Variants in PREX1 observed in about 807,000 individuals in gnomAD.
PREX1 encodes the protein phosphatidylinositol 3,4,5-trisphosphate-dependent Rac exchanger 1 protein.
Under a neutral mutation model 198.3 loss-of-function variants are expected in PREX1, and 41 were observed. The observed-to-expected ratio is 0.21, with a 90% CI of 0.16 to 0.27. PREX1 has a LOEUF of 0.27. Among genes scored for constraint, PREX1 ranks in the 10% least tolerant of loss-of-function variants. The pLI, the probability that PREX1 is intolerant of heterozygous loss-of-function variation, is 1.00. For missense variants in PREX1, 1,620 were observed against 2,200.7 expected (o/e 0.74, Z 5.28); for synonymous variants, 843 against 887.2 (o/e 0.95, Z 0.89).
chr20:48,634,879 G>A (rs751070079), intron 32 of PREX1, 104 bp from the exon 33 acceptor site: 8 of 956,308 alleles, frequency 8.4e-6, no homozygotes, highest in Non-Finnish European at 1.3e-5. Context: ...CACACTGTGG[G>A]CCCCCTGGGT....
chr20:48,773,900 C>CA (rs2090248949), intron 1 of PREX1, among the ~76,000 whole-genome samples: 2 of 152,146 alleles, frequency 1.3e-5, no homozygotes, highest in African/African-American at 2.4e-5. Flanking sequence ...GAGTCTCCTG[C>CA]AATCGTCCAG....
chr20:48,822,247 T>C (rs769246573), intron 1 of PREX1, among the ~76,000 whole-genome samples: 3 of 152,240 alleles, frequency 2.0e-5, no homozygotes, highest in Non-Finnish European at 4.4e-5. Flanking sequence ...AAGGTGGACT[T>C]TTTGACTTAA....
intron 1 of PREX1, among the ~76,000 whole-genome samples, chr20:48,773,808 G>C (rs781091847): frequency 1.3e-5 from 2 of 152,304 alleles, no homozygotes; most frequent in Non-Finnish European, 2.9e-5. Context: ...TTCTGAGCAG[G>C]GGAAGGACAG....
In PREX1 at chr20:48,827,203, A is replaced by C. The variant is rs779429352; in HGVS notation, c.219+439T>G. 5.8e-4 allele frequency among the ~76,000 whole-genome samples: 89 copies of C among 152,286 alleles called. No individual in the cohort carries two copies. Among genetic ancestry groups the C allele is most frequent in the Admixed American group, 1.0e-3 (16 of 15,308 alleles). ...GTTTTATCCTACTCCATCAACGCGCAGGGACGTTGGGCTCTGGGGCTCCTA... is the reference window on the plus strand; with the variant it reads ...GTTTTATCCTACTCCATCAACGCGCCGGGACGTTGGGCTCTGGGGCTCCTA... On this transcript the variant is annotated intron_variant, in intron 1 of 39. Transcript: ENST00000371941. The surrounding 1 kb of genome is among the most constrained non-coding windows in gnomAD (Gnocchi z 4.1).
chr20:48,640,498 T>G (rs1401809488), intron 29 of PREX1, among the ~76,000 whole-genome samples: 1 of 152,214 alleles, frequency 6.6e-6, no homozygotes, highest in Non-Finnish European at 1.5e-5. Context: ...TTCTGCTTTC[T>G]GAGGTCCATC....
chr20:48,867,712 TTGAACC>T, the PREX1 span, among the ~76,000 whole-genome samples: 2 of 151,436 alleles, frequency 1.3e-5, no homozygotes, highest in South Asian at 2.1e-4. Flanking sequence ...GGAGAATCAC[TTGAACC>T]GGGGAGGTGG....
chr20:48,739,368 A>T (rs1473215691), intron 3 of PREX1, among the ~76,000 whole-genome samples: 3 of 152,196 alleles, frequency 2.0e-5, no homozygotes, highest in Admixed American at 1.3e-4. Context: ...TTTTTTTAGT[A>T]TAAGTATGTC....
In PREX1 at chr20:48,625,901, A is replaced by T. The variant is rs1281751235; in HGVS notation, c.4964T>A (p.Val1655Glu). The T allele has an allele frequency of 1.3e-6, 2 of 1,564,274 alleles. No individual in the cohort carries two copies. The highest frequency in any genetic ancestry group is 8.6e-7 in the Non-Finnish European group (1 of 1,158,100). The change falls in exon 40 of 40, where the codon GTG becomes GAG. Residue 1655 changes from valine (V) to glutamate (E), a missense_variant. Around this residue, in one of 7 missense-constraint regions of PREX1, gnomAD observed 476 missense variants for 603.4 expected, o/e 0.79. Coordinates refer to ENST00000371941, the MANE Select transcript of PREX1 (RefSeq NM_020820.4). ...PRLYRLCQPPVDGDL is the reference protein window; with the variant it reads ...PRLYRLCQPPEDGDL ...TTTGGGTGTTCAGAGGTCCCCATCC[A>T]CCGGCGGCTGGCAGAGGCGGTAGAG...
chr20:48,810,259 T>C (rs1442918004), intron 1 of PREX1, among the ~76,000 whole-genome samples: 3 of 151,846 alleles, frequency 2.0e-5, no homozygotes, highest in African/African-American at 7.3e-5. Flanking sequence ...AGAAGAAACA[T>C]TCCTCTGTCC....
chr20:48,696,596 T>TACAC (rs201455888), intron 7 of PREX1, among the ~76,000 whole-genome samples: 1 of 139,922 alleles, frequency 7.1e-6, no homozygotes, highest in Non-Finnish European at 1.5e-5. Flanking sequence ...GCTGATCATT[T>TACAC]ACACACACAC....
intron 4 of PREX1, 37 bp from the exon 5 acceptor site, chr20:48,726,428 A>C: frequency 6.7e-7 from 1 of 1,481,902 alleles, no homozygotes; most frequent in Non-Finnish European, 9.4e-7. Flanking sequence ...AAACCCACCA[A>C]GGATAGCACA....
chr20:48,830,165 A>G (rs951683962), upstream of PREX1, among the ~76,000 whole-genome samples: 2 of 152,138 alleles, frequency 1.3e-5, no homozygotes, highest in Non-Finnish European at 2.9e-5. Context: ...GAAGTTCAAG[A>G]CCAGCCTGGG....
chr20:48,845,956 T>G, the PREX1 span, among the ~76,000 whole-genome samples: 2 of 152,144 alleles, frequency 1.3e-5, no homozygotes, highest in African/African-American at 4.8e-5. Flanking sequence ...TCACAGGCTA[T>G]TGCATGGACG....
At chr20:48,870,110 A>G in the PREX1 span, among the ~76,000 whole-genome samples, 1 of 152,184 alleles carries the variant, frequency 6.6e-6, no homozygotes, top group Admixed American at 6.5e-5. Context: ...TCCAAATTAG[A>G]ATTTCTGTAT....
At position 48,722,811 on chromosome 20, in the gene PREX1, G is replaced by C. The variant is rs527812920; in HGVS notation, c.621+3479C>G. Among the ~76,000 whole-genome samples the C allele has an allele frequency of 1.1e-4, 17 of 152,318 alleles. 1 individual carries two copies. Among genetic ancestry groups the C allele is most frequent in the African/African-American group, 3.6e-4 (15 of 41,566 alleles). ...TGCCACACACTCCAAGCTCCTGCAG[G>C]GCCCAGCCCAAGTCTGGAAGCTCCA... On this transcript the variant is annotated intron_variant, in intron 5 of 39. Transcript: ENST00000371941.
At chr20:48,645,734 CCT>C in intron 26 of PREX1, 115 bp downstream of exon 26, 1 of 1,193,836 alleles carries the variant, frequency 8.4e-7, no homozygotes, top group African/African-American at 1.5e-5. Context: ...GCAACAGCAC[CCT>C]GAGCCCACTG....
intron 1 of PREX1, among the ~76,000 whole-genome samples, chr20:48,813,759 CAT>C (rs1365870718): frequency 3.9e-5 from 6 of 152,198 alleles, no homozygotes; most frequent in Non-Finnish European, 8.8e-5. Flanking sequence ...AGAAATACAA[CAT>C]GTTTGGTTTT....
chr20:48,627,699 G>A lies in PREX1; in HGVS notation c.4870-84C>T, dbSNP rs879651378. ...CACTGGGGGGTGGGGGTGGGGCCCAGAAGCCCAAGGACCCAGAAGCTAAGA... is the reference window on the plus strand; with the variant it reads ...CACTGGGGGGTGGGGGTGGGGCCCAAAAGCCCAAGGACCCAGAAGCTAAGA... On this transcript the variant is annotated intron_variant, in intron 38 of 39. Coordinates refer to ENST00000371941, the MANE Select transcript of PREX1 (RefSeq NM_020820.4). The A allele has an allele frequency of 6.2e-5, 92 of 1,482,874 alleles. 1 individual carries two copies. The highest frequency in any genetic ancestry group is 3.0e-4 in the South Asian group (26 of 88,008). 91.9% of individuals were successfully genotyped at this position (1,482,874 alleles called of 1,614,324 possible). A position where few individuals can be genotyped will look rare whatever the true frequency, so the allele number is the denominator to read the frequency against.
intron 4 of PREX1, among the ~76,000 whole-genome samples, chr20:48,733,404 G>C (rs972784573): frequency 2.0e-5 from 3 of 152,184 alleles, no homozygotes; most frequent in African/African-American, 7.2e-5. Flanking sequence ...ATTGGTTCAG[G>C]GATAAGGTTT....
Sources: gnomAD v4.1 joint callset for allele counts (sites outside exome capture counted in the v4.1 genomes callset) on GRCh38, gnomAD v4.1.1 for gene constraint, gnomAD v4.1.1 regional missense constraint, Gnocchi (gnomAD v3.1) non-coding constraint, MANE v1.5 for transcripts, NCBI Gene and HGNC (gene_info 2026-07-23, HGNC 2026-07-21) for gene names.